The following DENND2B variants were observed in gnomAD, a reference collection of about 807,000 sequenced individuals.
DENND2B encodes DENN domain containing 2B, also known as DENN domain-containing protein 2B.
DENND2B carries 32 observed loss-of-function variants against 116.0 expected under a neutral mutation model. The observed-to-expected ratio is 0.28, with a 90% CI of 0.21 to 0.37. DENND2B has a LOEUF of 0.37. DENND2B is among the 10% of genes least tolerant of loss of function. The probability of loss-of-function intolerance (pLI) is 1.00; values close to 1 mark genes in which losing one functional copy is unlikely to be tolerated. For missense variants in DENND2B, 1,276 were observed against 1,477.7 expected (o/e 0.86, Z 2.24); for synonymous variants, 588 against 583.9 (o/e 1.01, Z -0.10).
chr11:8,782,915 T>C (rs2058527014), intron 1 of DENND2B, among the ~76,000 whole-genome samples: 1 of 151,714 alleles, frequency 6.6e-6, no homozygotes, highest in African/African-American at 2.4e-5. Context: ...AAGATATTGT[T>C]AAATAATTTA....
chr11:8,806,993 C>T (rs892589005), intron 1 of DENND2B, among the ~76,000 whole-genome samples: 2 of 151,624 alleles, frequency 1.3e-5, no homozygotes, highest in Admixed American at 1.3e-4. Flanking sequence ...TCAAAGAACT[C>T]AATTATCTGC....
At chr11:8,756,917 T>C in intron 1 of DENND2B, 2 of 405,818 alleles carry the variant, frequency 4.9e-6, no homozygotes, top group South Asian at 3.6e-5. Flanking sequence ...AGAAACTGCA[T>C]GTTTAGAAAA....
intron 4 of DENND2B, chr11:8,718,844 C>T (rs2045603392): frequency 5.0e-6 from 5 of 997,626 alleles, no homozygotes; most frequent in Non-Finnish European, 6.0e-6. Context: ...ATCTCCTGCC[C>T]CCACCCCTCC....
intron 1 of DENND2B, among the ~76,000 whole-genome samples, chr11:8,761,696 G>C (rs2054668763): frequency 1.3e-5 from 2 of 152,060 alleles, no homozygotes; most frequent in South Asian, 4.1e-4. Context: ...ACGCTCTCTG[G>C]TCTAGCTGAG....
At chr11:8,861,476 T>C (rs1221425363) in intron 2 of DENND2B, among the ~76,000 whole-genome samples, 1 of 152,066 alleles carries the variant, frequency 6.6e-6, no homozygotes, top group African/African-American at 2.4e-5. Flanking sequence ...AAAACCACAA[T>C]GAAATACTCT....
chr11:8,736,249 G>A (rs1237785815), intron 2 of DENND2B, among the ~76,000 whole-genome samples: 1 of 152,100 alleles, frequency 6.6e-6, no homozygotes, highest in Non-Finnish European at 1.5e-5. Flanking sequence ...ACTATTTTAG[G>A]CTGAGGTGGG....
intron 3 of DENND2B, among the ~76,000 whole-genome samples, chr11:8,856,509 G>C (rs2063197548): frequency 6.6e-6 from 1 of 152,154 alleles, no homozygotes; most frequent in African/African-American, 2.4e-5. Flanking sequence ...ATGGGCCTAG[G>C]CTTGAGCACA....
intron 1 of DENND2B, among the ~76,000 whole-genome samples, chr11:8,781,899 A>G (rs1792397782): frequency 6.6e-6 from 1 of 152,244 alleles, no homozygotes; most frequent in Non-Finnish European, 1.5e-5. Context: ...TCATACTTAG[A>G]CTGGAAAATA....
At chr11:8,737,787 T>C (rs1423125270) in intron 2 of DENND2B, among the ~76,000 whole-genome samples, 1 of 151,902 alleles carries the variant, frequency 6.6e-6, no homozygotes, top group Non-Finnish European at 1.5e-5. Context: ...TCTCACAGGG[T>C]CTTGCTCTGT....
upstream of DENND2B, among the ~76,000 whole-genome samples, chr11:8,871,930 G>A (rs1388987258): frequency 6.6e-6 from 1 of 152,186 alleles, no homozygotes; most frequent in African/African-American, 2.4e-5. Context: ...TTAGGAAATC[G>A]TGTAATCCAT....
At chr11:8,726,302 C>G in intron 3 of DENND2B, 93 bp from the exon 4 acceptor site, 1 of 1,483,164 alleles carries the variant, frequency 6.7e-7, no homozygotes, top group Non-Finnish European at 9.0e-7. Context: ...GACCATAGGC[C>G]CTCCTTACAA....
Position 8,892,859 on chromosome 11 carries a change from T to C in DENND2B, c.-255-11750A>G, listed in dbSNP as rs1403753422. ...ACCATTCCTTCTGAAACTATTCCAA[T>C]CAATAGAAAAAGAGGGAATCCTCCC... On this transcript the variant is annotated intron_variant, in intron 1 of 22. Transcript: ENST00000534127. Among the ~76,000 whole-genome samples, 6 of 152,216 alleles carry C rather than the reference T, an allele frequency of 3.9e-5. 1 individual carries two copies. In the East Asian group the frequency reaches 1.2e-3, roughly 29 times the overall value.
chr11:8,848,322 T>C (rs2062882072), intron 3 of DENND2B, among the ~76,000 whole-genome samples: 1 of 152,198 alleles, frequency 6.6e-6, no homozygotes, highest in Non-Finnish European at 1.5e-5. Flanking sequence ...GACTTAAATG[T>C]TTTAAGTTTT....
At chr11:8,818,976 ATTAC>A (rs2061671195) in intron 4 of DENND2B, among the ~76,000 whole-genome samples, 1 of 152,222 alleles carries the variant, frequency 6.6e-6, no homozygotes, top group African/African-American at 2.4e-5. Flanking sequence ...ATACTTTTAT[ATTAC>A]TTAATGTATA....
chr11:8,713,630 T>C (rs983854602), intron 8 of DENND2B, among the ~76,000 whole-genome samples: 2 of 152,182 alleles, frequency 1.3e-5, no homozygotes, highest in African/African-American at 4.8e-5. Flanking sequence ...TCTGCCCGCC[T>C]TGGCCTCCCA....
At chr11:8,748,787 C>A (rs1228245869) in intron 2 of DENND2B, among the ~76,000 whole-genome samples, 3 of 152,078 alleles carry the variant, frequency 2.0e-5, no homozygotes, top group Non-Finnish European at 2.9e-5. Context: ...AAAGGAAGAG[C>A]AATTTCTGAA....
intron 3 of DENND2B, among the ~76,000 whole-genome samples, chr11:8,729,354 G>A (rs1262015257): frequency 1.3e-5 from 2 of 152,152 alleles, no homozygotes; most frequent in Admixed American, 6.5e-5. Context: ...GGAAACCAAC[G>A]TGAGCCTCGG....
At chr11:8,724,180 C>T in intron 4 of DENND2B, among the ~76,000 whole-genome samples, 1 of 152,118 alleles carries the variant, frequency 6.6e-6, no homozygotes, top group East Asian at 1.9e-4. Flanking sequence ...CCTGTAGTCC[C>T]AGCTGCTGGG....
chr11:8,766,797 G>C, intron 1 of DENND2B: 1 of 639,634 alleles, frequency 1.6e-6, no homozygotes, highest in Non-Finnish European at 2.5e-6. Flanking sequence ...GGGGTGCTGG[G>C]TTGGAGAATG....
Sources: allele counts gnomAD v4.1 joint callset (sites outside exome capture counted in the v4.1 genomes callset), GRCh38; gene constraint gnomAD v4.1.1; transcripts MANE v1.5; gene names NCBI Gene and HGNC (gene_info 2026-07-23, HGNC 2026-07-21).